DRD2: variants seen among roughly 807,000 people sequenced by gnomAD.
The protein encoded by DRD2 is dopamine receptor D2, also known as D(2) dopamine receptor.
In DRD2, 8 loss-of-function variants were observed where a neutral mutation model predicts 38.0. The ratio of observed to expected loss-of-function variants is 0.21; its 90% CI spans 0.12 to 0.38. The LOEUF is 0.38. Ranked by LOEUF, DRD2 falls within the 10% of genes least tolerant of loss-of-function variation. The probability of loss-of-function intolerance (pLI) is 1.00; values close to 1 mark genes in which losing one functional copy is unlikely to be tolerated. For synonymous variants in DRD2, 230 were observed against 238.6 expected (o/e 0.96, Z 0.33); for missense variants, 403 against 607.7 (o/e 0.66, Z 3.54).
chr11:113,440,171 G>C (rs1376767487), intron 1 of DRD2, among the ~76,000 whole-genome samples: 1 of 152,150 alleles, frequency 6.6e-6, no homozygotes. Flanking sequence ...GCCTCGCCCA[G>C]ATACCTATCC....
intron 3 of DRD2, among the ~76,000 whole-genome samples, chr11:113,417,693 T>G (rs1165620813): frequency 6.6e-6 from 1 of 152,194 alleles, no homozygotes. Flanking sequence ...CTGAGAGCTC[T>G]GAAAACGTCC....
intron 1 of DRD2, among the ~76,000 whole-genome samples, chr11:113,448,073 G>A (rs1005061891): frequency 1.3e-5 from 2 of 152,192 alleles, no homozygotes; most frequent in Non-Finnish European, 2.9e-5. Flanking sequence ...TGGCAGCAGA[G>A]AATGTAGTCA....
At chr11:113,469,751 G>T (rs1951404702) in intron 1 of DRD2, among the ~76,000 whole-genome samples, 1 of 152,104 alleles carries the variant, frequency 6.6e-6, no homozygotes, top group Non-Finnish European at 1.5e-5. Context: ...GAAGCAGGAG[G>T]ATCACTTGAG....
chr11:113,444,629 A>T (rs1951126348), intron 1 of DRD2, among the ~76,000 whole-genome samples: 1 of 152,122 alleles, frequency 6.6e-6, no homozygotes, highest in Non-Finnish European at 1.5e-5. Context: ...TGTCTTTTAC[A>T]CTCCATGGGC....
intron 1 of DRD2, among the ~76,000 whole-genome samples, chr11:113,439,881 A>G (rs1337931164): frequency 7.0e-6 from 1 of 143,544 alleles, no homozygotes; most frequent in African/African-American, 2.6e-5. Flanking sequence ...AAAAGCTAAG[A>G]GTAAGACCAG....
At position 113,466,517 on chromosome 11, in the gene DRD2, G is replaced by A. The variant is rs113997054; in HGVS notation, c.-32+8559C>T. Among the ~76,000 whole-genome samples, 512 of 152,274 alleles carry A rather than the reference G, an allele frequency of 3.4e-3. 2 individuals are homozygous for A. Among genetic ancestry groups the A allele is most frequent in the African/African-American group, 0.012 (489 of 41,558 alleles). On this transcript the variant is annotated intron_variant, in intron 1 of 7. Transcript: ENST00000362072. ...AACTTCCATGCCCTGTGACAACTGCGAAAAATTTCCATCCAACCTATAATG... is the reference window on the plus strand; with the variant it reads ...AACTTCCATGCCCTGTGACAACTGCAAAAAATTTCCATCCAACCTATAATG...
At chr11:113,418,684 CAATA>C in intron 2 of DRD2, among the ~76,000 whole-genome samples, 1 of 152,264 alleles carries the variant, frequency 6.6e-6, no homozygotes, top group South Asian at 2.1e-4. Flanking sequence ...CACACCAAGA[CAATA>C]TTTCCCCTGT....
At chr11:113,437,869 C>G (rs1951053317) in intron 1 of DRD2, among the ~76,000 whole-genome samples, 2 of 152,212 alleles carry the variant, frequency 1.3e-5, no homozygotes, top group Admixed American at 6.5e-5. Context: ...TTTGCCTGGT[C>G]TTCTGCTACC....
intron 1 of DRD2, among the ~76,000 whole-genome samples, chr11:113,449,442 G>A (rs1036826690): frequency 5.9e-5 from 9 of 152,158 alleles, no homozygotes; most frequent in Non-Finnish European, 1.2e-4. Flanking sequence ...CATTCATGAC[G>A]TTTGGACATG....
At chr11:113,446,415 C>G (rs541418558) in intron 1 of DRD2, among the ~76,000 whole-genome samples, 67 of 152,340 alleles carry the variant, frequency 4.4e-4, no homozygotes, top group African/African-American at 1.3e-3. Flanking sequence ...TGGACACTGT[C>G]TTGCACACTG....
At chr11:113,463,827 G>A (rs1357674886) in intron 1 of DRD2, among the ~76,000 whole-genome samples, 2 of 152,184 alleles carry the variant, frequency 1.3e-5, no homozygotes, top group South Asian at 2.1e-4. Context: ...AAATACAGAA[G>A]AGAGGCCCTT....
intron 1 of DRD2, among the ~76,000 whole-genome samples, chr11:113,439,362 G>A (rs550386833): frequency 6.6e-6 from 1 of 152,226 alleles, no homozygotes; most frequent in South Asian, 2.1e-4. Flanking sequence ...CCTTCTTCGT[G>A]GGGTTATCAT....
chr11:113,416,052 T>C (rs1950822626), intron 4 of DRD2, among the ~76,000 whole-genome samples: 1 of 152,256 alleles, frequency 6.6e-6, no homozygotes, highest in Non-Finnish European at 1.5e-5. Context: ...TCTGTTGAAC[T>C]CACTTGTGTT....
chr11:113,442,112 A>T (rs1951100505), intron 1 of DRD2, among the ~76,000 whole-genome samples: 1 of 152,228 alleles, frequency 6.6e-6, no homozygotes, highest in Non-Finnish European at 1.5e-5. Flanking sequence ...GTGTAGGGGC[A>T]TAGATGAAAG....
chr11:113,458,560 A>G (rs1951288321), intron 1 of DRD2, among the ~76,000 whole-genome samples: 1 of 152,230 alleles, frequency 6.6e-6, no homozygotes, highest in South Asian at 2.1e-4. Context: ...TTGAAAGGCT[A>G]TGTACCAGTT....
At chr11:113,437,323 C>T (rs1037216819) in intron 1 of DRD2, among the ~76,000 whole-genome samples, 6 of 152,084 alleles carry the variant, frequency 3.9e-5, no homozygotes, top group East Asian at 1.9e-4. Flanking sequence ...ATCTAGGGTA[C>T]GAAGAAGTAA....
At chr11:113,425,092 T>TC in intron 1 of DRD2, 2 of 237,438 alleles carry the variant, frequency 8.4e-6, no homozygotes, top group Non-Finnish European at 1.7e-5. Context: ...TTGTTCTATA[T>TC]AGTTCTAGAA....
intron 1 of DRD2, chr11:113,474,387 C>T (rs1951458699): frequency 6.6e-6 from 1 of 152,330 alleles, no homozygotes; most frequent in Admixed American, 6.5e-5. Flanking sequence ...GGCGGTCACC[C>T]TCCGCTACTG....
At chr11:113,416,165 C>T (rs1565660853) in intron 4 of DRD2, among the ~76,000 whole-genome samples, 1 of 152,196 alleles carries the variant, frequency 6.6e-6, no homozygotes, top group Admixed American at 6.5e-5. Flanking sequence ...GTGTTATTCC[C>T]ACTTAGAATT....
Sources: gnomAD v4.1 joint callset for allele counts (sites outside exome capture counted in the v4.1 genomes callset) on GRCh38, gnomAD v4.1.1 for gene constraint, MANE v1.5 for transcripts, NCBI Gene and HGNC (gene_info 2026-07-23, HGNC 2026-07-21) for gene names.